Variants in GOLT1B observed in about 807,000 individuals in gnomAD.
GOLT1B encodes vesicle transport protein GOT1B.
GOLT1B carries 3 observed loss-of-function variants against 15.4 expected under a neutral mutation model. That is an observed-to-expected ratio of 0.19 (90% CI 0.09 to 0.50). The LOEUF is 0.50. GOLT1B is among the 20% of genes least tolerant of loss of function. The pLI, the probability that GOLT1B is intolerant of heterozygous loss-of-function variation, is 0.97. For missense variants in GOLT1B, 145 were observed against 160.4 expected (o/e 0.90, Z 0.52); for synonymous variants, 65 against 56.2 (o/e 1.16, Z -0.70).
At chr12:21,512,555 G>T (rs1943727731) in intron 4 of GOLT1B, among the ~76,000 whole-genome samples, 179 bp downstream of exon 4, 1 of 152,104 alleles carries the variant, frequency 6.6e-6, no homozygotes, top group African/African-American at 2.4e-5. Context: ...CCTATAAAAT[G>T]TGAAATTTTG....
chr12:21,516,589 TTTTC>T lies in GOLT1B; in HGVS notation c.*889_*892del, dbSNP rs1565583848. ...GATTTTTTCCATGTCATGATGTAAT[TTTTC>T]TTTCTTCTTTCTTTTTTTTAAATTT... On this transcript the variant is annotated 3_prime_UTR_variant, in exon 5 of 5. Transcript: ENST00000229314. 1 of 152,064 alleles carries T rather than the reference TTTTC, an allele frequency of 6.6e-6. No homozygotes were observed. Among genetic ancestry groups the T allele is most frequent in the African/African-American group, 2.4e-5 (1 of 41,442 alleles). 9.4% of individuals were successfully genotyped at this position (152,064 alleles called of 1,614,324 possible). A position where few individuals can be genotyped will look rare whatever the true frequency, so the allele number is the denominator to read the frequency against.
chr12:21,504,254 C>G (rs1274404926), intron 1 of GOLT1B, among the ~76,000 whole-genome samples: 2 of 152,004 alleles, frequency 1.3e-5, no homozygotes, highest in Admixed American at 1.3e-4. Context: ...GTTTGTTTTA[C>G]TGGATATGAT....
intron 4 of GOLT1B, among the ~76,000 whole-genome samples, chr12:21,514,383 T>C (rs780664301): frequency 6.6e-5 from 10 of 152,234 alleles, no homozygotes; most frequent in Non-Finnish European, 1.2e-4. Flanking sequence ...GGCTTACCTA[T>C]GGAAGAATAA....
intron 1 of GOLT1B, chr12:21,504,594 C>T (rs766290140): frequency 2.0e-6 from 1 of 508,246 alleles, no homozygotes; most frequent in African/African-American, 1.9e-5. Flanking sequence ...GTACCTGCCT[C>T]CATACCACCA....
At chr12:21,511,164 C>CT (rs1943716593) in intron 3 of GOLT1B, among the ~76,000 whole-genome samples, 1 of 152,222 alleles carries the variant, frequency 6.6e-6, no homozygotes, top group Admixed American at 6.5e-5. Flanking sequence ...CTGATCAGCT[C>CT]TAAGTTGGGG....
rs184561186 is a variant in GOLT1B, at chr12:21,516,106, T to G, written c.*399T>G. ...TGCTTTTTAGAAATGTCCACTGCAA[T>G]GGCAAAAATATTTCCAGTTGCACTG... On this transcript the variant is annotated 3_prime_UTR_variant, in exon 5 of 5. Transcript: ENST00000229314. The G allele has an allele frequency of 2.3e-3, 363 of 158,106 alleles. 2 individuals are homozygous for G. The highest frequency in any genetic ancestry group is 1.5e-3 in the Non-Finnish European group (109 of 72,154). The allele number at this position is 158,106 out of a possible 1,614,324, so 9.8% of individuals were successfully genotyped here. A position where few individuals can be genotyped will look rare whatever the true frequency, so the allele number is the denominator to read the frequency against.
At chr12:21,509,836 TAGA>T (rs1943707372) in intron 3 of GOLT1B, among the ~76,000 whole-genome samples, 1 of 152,218 alleles carries the variant, frequency 6.6e-6, no homozygotes, top group African/African-American at 2.4e-5. Context: ...AATACTCTTA[TAGA>T]ACAGGAGCAT....
chr12:21,508,918 T>TCG (rs1253578796), intron 3 of GOLT1B, among the ~76,000 whole-genome samples: 13 of 143,226 alleles, frequency 9.1e-5, no homozygotes, highest in South Asian at 4.9e-4. Flanking sequence ...GATAGATAGA[T>TCG]AGATCCAGCA....
intron 3 of GOLT1B, among the ~76,000 whole-genome samples, chr12:21,509,299 T>C (rs1458010256): frequency 7.1e-6 from 1 of 141,212 alleles, no homozygotes; most frequent in Non-Finnish European, 1.5e-5. Flanking sequence ...CTCGGGAGGC[T>C]GAGGCAGGCG....
chr12:21,510,754 A>C (rs1943713649), intron 3 of GOLT1B, among the ~76,000 whole-genome samples: 1 of 152,234 alleles, frequency 6.6e-6, no homozygotes, highest in South Asian at 2.1e-4. Flanking sequence ...CATCAACATA[A>C]ATACTTGTCT....
intron 1 of GOLT1B, among the ~76,000 whole-genome samples, chr12:21,504,076 A>G (rs150099530): frequency 5.2e-4 from 79 of 152,350 alleles, no homozygotes; most frequent in African/African-American, 1.9e-3. Context: ...TGTGAATAAG[A>G]TATCAAAATG....
rs746705153 is a variant in GOLT1B at position 21,508,380 on chromosome 12, T to C, written c.118-3T>C. On this transcript the variant is annotated splice_region_variant and splice_polypyrimidine_tract_variant and intron_variant, in intron 2 of 4. Transcript: ENST00000229314. ...TCCGTGTTGTATTTTCTTTCTCTTT[T>C]AGGTTTTATTTGTAGCCGGCTTGGC... 5.9e-6 allele frequency: 9 copies of C among 1,532,152 alleles called. No individual in the cohort carries two copies. Among genetic ancestry groups the C allele is most frequent in the Non-Finnish European group, 4.4e-6 (5 of 1,127,090 alleles). 94.9% of individuals were successfully genotyped at this position (1,532,152 alleles called of 1,614,324 possible).
At chr12:21,505,001 G>A (rs567477751) in intron 1 of GOLT1B, among the ~76,000 whole-genome samples, 1 of 152,236 alleles carries the variant, frequency 6.6e-6, no homozygotes, top group South Asian at 2.1e-4. Context: ...ATGAGCTTTG[G>A]ATTCAAAAGA....
intron 2 of GOLT1B, among the ~76,000 whole-genome samples, chr12:21,507,693 G>A (rs1413307044): frequency 4.6e-5 from 7 of 152,034 alleles, no homozygotes; most frequent in South Asian, 2.1e-4. Flanking sequence ...GTATTTGTGC[G>A]AAATATTTTT....
intron 1 of GOLT1B, chr12:21,504,471 C>T: frequency 2.2e-6 from 1 of 454,120 alleles, no homozygotes; most frequent in Non-Finnish European, 4.5e-6. Context: ...GCAATGTCTC[C>T]CGCTGGACTG....
chr12:21,502,993 A>T (rs1943647788), intron 1 of GOLT1B, among the ~76,000 whole-genome samples: 1 of 152,194 alleles, frequency 6.6e-6, no homozygotes, highest in Non-Finnish European at 1.5e-5. Context: ...GACCAACTTC[A>T]CAGAGCTTCT....
chr12:21,512,512 TACC>T, intron 4 of GOLT1B, 136 bp downstream of exon 4: 1 of 582,524 alleles, frequency 1.7e-6, no homozygotes, highest in Non-Finnish European at 3.1e-6. Context: ...AGATCATGAG[TACC>T]ATGAAGACCA....
chr12:21,512,275 C>CTT lies in GOLT1B; in HGVS notation c.297-13_297-12dup. ...TAGAAAATGTGTAAATATTAAGAACCTTTTTTTTCCCTCTCCCAGGGGCTT... is the reference window on the plus strand; with the variant it reads ...TAGAAAATGTGTAAATATTAAGAACCTTTTTTTTTTCCCTCTCCCAGGGGCTT... On this transcript the variant is annotated intron_variant, in intron 3 of 4. Transcript: ENST00000229314. 1 of 1,289,532 alleles carries CTT rather than the reference C, an allele frequency of 7.8e-7. No homozygotes were observed. The highest frequency in any genetic ancestry group is 1.5e-5 in the African/African-American group (1 of 67,606). 79.9% of individuals were successfully genotyped at this position (1,289,532 alleles called of 1,614,324 possible).
rs747969282 is a variant in GOLT1B at position 21,512,332 on chromosome 12, G to C, written c.334G>C (p.Val112Leu). 1 of 1,581,982 alleles carries C rather than the reference G, an allele frequency of 6.3e-7. No homozygotes were observed. Among genetic ancestry groups the C allele is most frequent in the Non-Finnish European group, 8.7e-7 (1 of 1,151,286 alleles). The change falls in exon 4 of 5, where the codon GTG becomes CTG. Residue 112 changes from valine to leucine, a missense_variant. Val to Leu is a conservative substitution (Grantham distance 32). Transcript: ENST00000229314. ...TGTCGTTGTTGGCTTTATTAGAAGAGTGCCAGTCCTTGGATCCCTCCTAAA... is the reference window on the plus strand; with the variant it reads ...TGTCGTTGTTGGCTTTATTAGAAGACTGCCAGTCCTTGGATCCCTCCTAAA... Reference protein sequence around the residue: ...FPVVVGFIRRVPVLGSLLNLP... With the variant: ...FPVVVGFIRRLPVLGSLLNLP...
Sources: gnomAD v4.1 joint callset for allele counts (sites outside exome capture counted in the v4.1 genomes callset) on GRCh38, gnomAD v4.1.1 for gene constraint, MANE v1.5 for transcripts, NCBI Gene and HGNC (gene_info 2026-07-23, HGNC 2026-07-21) for gene names.